TAFA2: variants seen among roughly 807,000 people sequenced by gnomAD.
TAFA2 encodes TAFA chemokine like family member 2, also known as chemokine-like protein TAFA-2.
Under a neutral mutation model 18.8 loss-of-function variants are expected in TAFA2, and 7 were observed. That is an observed-to-expected ratio of 0.37 (90% CI 0.21 to 0.70). The LOEUF (loss-of-function observed/expected upper bound fraction) is 0.70, where lower values mean the gene tolerates loss of function less well. Among genes scored for constraint, TAFA2 ranks in the 30% least tolerant of loss-of-function variants. The probability of loss-of-function intolerance (pLI) is 0.53; values close to 1 mark genes in which losing one functional copy is unlikely to be tolerated. For missense variants in TAFA2, 122 were observed against 158.1 expected, an observed-to-expected ratio of 0.77 and a Z score of 1.23; for synonymous variants, 60 against 54.2, an observed-to-expected ratio of 1.11 and a Z score of -0.47.
intron 1 of TAFA2, among the ~76,000 whole-genome samples, chr12:61,957,501 G>A (rs1878737487): frequency 6.6e-6 from 1 of 151,996 alleles, no homozygotes; most frequent in Non-Finnish European, 1.5e-5. Flanking sequence ...TAAAGGTGGG[G>A]GATGAGGAAC....
chr12:62,060,531 G>C (rs1180556086), intron 1 of TAFA2, among the ~76,000 whole-genome samples: 1 of 152,176 alleles, frequency 6.6e-6, no homozygotes, highest in East Asian at 1.9e-4. Context: ...AATGTTATTG[G>C]TTTATGTATC....
Position 61,733,588 on chromosome 12 carries a change from T to A in TAFA2, c.384+20034A>T, listed in dbSNP as rs1178573956. 3.4e-5 allele frequency among the ~76,000 whole-genome samples: 5 copies of A among 148,076 alleles called. No individual in the cohort carries two copies. In the South Asian group the frequency reaches 6.7e-4, roughly 20 times the overall value. On this transcript the variant is annotated intron_variant, in intron 4 of 4. Coordinates refer to ENST00000416284, the MANE Select transcript of TAFA2 (RefSeq NM_178539.5). The stretch of plus-strand genomic sequence containing the variant: ...GTCAAAGATCAGATAGTTGTAGATA[T>A]GCGGCGTTATTTCTGAGGGCTCTGT...
At chr12:62,002,217 A>G (rs1880402324) in intron 1 of TAFA2, among the ~76,000 whole-genome samples, 1 of 152,222 alleles carries the variant, frequency 6.6e-6, no homozygotes, top group African/African-American at 2.4e-5. Flanking sequence ...TATTCCATAA[A>G]TATTTCTAGA....
chr12:61,947,355 C>T (rs1878310017), intron 1 of TAFA2, among the ~76,000 whole-genome samples: 1 of 148,614 alleles, frequency 6.7e-6, no homozygotes, highest in Non-Finnish European at 1.5e-5. Flanking sequence ...ATACCTAATG[C>T]TAGATGACGA....
chr12:62,137,243 T>G (rs1309340467), intron 1 of TAFA2, among the ~76,000 whole-genome samples: 2 of 152,140 alleles, frequency 1.3e-5, no homozygotes, highest in African/African-American at 4.8e-5. Context: ...AAACTTACAC[T>G]GTAAATGATC....
At chr12:62,088,310 G>GAA (rs141981598) in intron 1 of TAFA2, among the ~76,000 whole-genome samples, 2 of 143,634 alleles carry the variant, frequency 1.4e-5, no homozygotes, top group East Asian at 2.0e-4. Context: ...AACTTCAGAA[G>GAA]AAAAAAAAAA....
Position 61,749,109 on chromosome 12 carries a change from T to TACAAA in TAFA2, c.384+4512_384+4513insTTTGT, listed in dbSNP as rs770983852. Reference sequence around the variant, plus strand: ...AGCAAAACCCCGTTGTTACTAAAAATAAAAAAAAAAAAAAATAGCTGGGTG... The same window carrying TACAAA: ...AGCAAAACCCCGTTGTTACTAAAAATACAAAAAAAAAAAAAAAAAATAGCTGGGTG... On this transcript the variant is annotated intron_variant, in intron 4 of 4. Coordinates refer to ENST00000416284, the MANE Select transcript of TAFA2 (RefSeq NM_178539.5). Among the ~76,000 whole-genome samples, 11 of 122,196 alleles carry TACAAA rather than the reference T, an allele frequency of 9.0e-5. 1 individual carries two copies. The highest frequency in any genetic ancestry group is 3.4e-4 in the African/African-American group (11 of 32,450). 80.2% of individuals were successfully genotyped at this position (122,196 alleles called of 152,430 possible).
chr12:62,251,912 T>C (rs1382256376), intron 1 of TAFA2, among the ~76,000 whole-genome samples: 1 of 152,218 alleles, frequency 6.6e-6, no homozygotes, highest in Non-Finnish European at 1.5e-5. Context: ...AAGGATGATG[T>C]TAATGGCACA....
intron 1 of TAFA2, chr12:62,104,896 G>A: frequency 3.8e-6 from 1 of 262,604 alleles, no homozygotes; most frequent in Non-Finnish European, 7.8e-6. Context: ...CTCCCTGGAT[G>A]TTTACATTTC....
chr12:61,988,198 G>A (rs1162082572), intron 1 of TAFA2, among the ~76,000 whole-genome samples: 1 of 151,892 alleles, frequency 6.6e-6, no homozygotes, highest in Non-Finnish European at 1.5e-5. Flanking sequence ...AGATGTTTAG[G>A]GGAAATTATT....
At chr12:62,126,935 T>G (rs1870485669) in intron 1 of TAFA2, among the ~76,000 whole-genome samples, 1 of 152,076 alleles carries the variant, frequency 6.6e-6, no homozygotes, top group African/African-American at 2.4e-5. Context: ...ACATAAGACA[T>G]GATATAGTAA....
chr12:61,712,805 C>T (rs1039755234), intron 4 of TAFA2, among the ~76,000 whole-genome samples: 6 of 44,736 alleles, frequency 1.3e-4, no homozygotes, highest in African/African-American at 5.7e-4. Flanking sequence ...CAATCTAATA[C>T]TTGATTTTTT....
chr12:62,157,024 G>T (rs1177394944), intron 1 of TAFA2, among the ~76,000 whole-genome samples: 1 of 151,950 alleles, frequency 6.6e-6, no homozygotes, highest in Non-Finnish European at 1.5e-5. Context: ...CTAAAATTGG[G>T]TATATATGCC....
chr12:61,907,780 G>T (rs7965138), intron 1 of TAFA2, among the ~76,000 whole-genome samples: 82,725 of 151,998 alleles, frequency 0.54, 23,833 homozygotes, highest in African/African-American at 0.73. Flanking sequence ...AGCCACAAGG[G>T]TGGAGCTGCC....
intron 1 of TAFA2, among the ~76,000 whole-genome samples, chr12:62,107,100 A>C (rs1592339280): frequency 6.6e-6 from 1 of 152,180 alleles, no homozygotes; most frequent in East Asian, 1.9e-4. Flanking sequence ...CCCAGTAATG[A>C]AAGTAATTAA....
intron 2 of TAFA2, among the ~76,000 whole-genome samples, chr12:61,759,122 G>T (rs1220257498): frequency 6.6e-6 from 1 of 151,930 alleles, no homozygotes; most frequent in Non-Finnish European, 1.5e-5. Context: ...TGTTGAAAAA[G>T]AAAGGAGAAG....
intron 4 of TAFA2, among the ~76,000 whole-genome samples, chr12:61,744,672 A>G (rs765908650): frequency 4.7e-4 from 71 of 152,030 alleles, no homozygotes; most frequent in Admixed American, 7.2e-4. Context: ...TTCCTGCCTC[A>G]GCCTTCCAAG....
chr12:61,884,925 CTCCATTCCATTATTAAAATTCAGCCAA>C (rs1232872379), intron 1 of TAFA2, among the ~76,000 whole-genome samples: 1 of 152,180 alleles, frequency 6.6e-6, no homozygotes, highest in Non-Finnish European at 1.5e-5. Context: ...GAGTTTTTCA[CTCCATTCCATTATTAAAATTCAGCCAA>C]ATTTCTTAAC....
chr12:61,794,502 A>G (rs1231046769), intron 2 of TAFA2, among the ~76,000 whole-genome samples: 2 of 152,014 alleles, frequency 1.3e-5, no homozygotes, highest in Non-Finnish European at 2.9e-5. Context: ...AAATTATAAA[A>G]CATTGATAAA....
Sources: allele counts gnomAD v4.1 joint callset (sites outside exome capture counted in the v4.1 genomes callset), GRCh38; gene constraint gnomAD v4.1.1; transcripts MANE v1.5; gene names NCBI Gene and HGNC (gene_info 2026-07-23, HGNC 2026-07-21).